Variants in EHMT1 observed in about 807,000 individuals in gnomAD.
EHMT1 encodes histone-lysine N-methyltransferase EHMT1.
A neutral mutation model predicts 147.2 loss-of-function variants in EHMT1; 15 were observed. The ratio of observed to expected loss-of-function variants is 0.10; its 90% CI spans 0.07 to 0.16. The LOEUF is 0.16. Ranked by LOEUF, EHMT1 falls within the 10% of genes least tolerant of loss-of-function variation. EHMT1 has a pLI of 1.00. For missense variants in EHMT1, 1,587 were observed against 1,772.4 expected (o/e 0.90, Z 1.88); for synonymous variants, 795 against 709.6 (o/e 1.12, Z -1.91).
chr9:137,678,523 G>C (rs1350206761), intron 1 of EHMT1, among the ~76,000 whole-genome samples: 1 of 152,178 alleles, frequency 6.6e-6, no homozygotes, highest in African/African-American at 2.4e-5. Context: ...TGTTCTGTCT[G>C]GTGTTCCTGT....
intron 14 of EHMT1, among the ~76,000 whole-genome samples, chr9:137,780,121 GT>G: frequency 6.9e-6 from 1 of 145,504 alleles, no homozygotes; most frequent in South Asian, 2.2e-4. Context: ...GGGATGTGTG[GT>G]GATGACGCTG....
intron 1 of EHMT1, among the ~76,000 whole-genome samples, chr9:137,619,779 C>G (rs566071701): frequency 6.6e-6 from 1 of 152,120 alleles, no homozygotes; most frequent in Non-Finnish European, 1.5e-5. Flanking sequence ...TAGTTTGTTT[C>G]CTTGCTTAGG....
chr9:137,694,433 C>T (rs1365043793), intron 1 of EHMT1, among the ~76,000 whole-genome samples: 1 of 152,056 alleles, frequency 6.6e-6, no homozygotes, highest in Non-Finnish European at 1.5e-5. Flanking sequence ...CATGCGGTGG[C>T]GCAGGACGCT....
At chr9:137,758,456 A>AT (rs1244019615) in intron 9 of EHMT1, among the ~76,000 whole-genome samples, 1 of 152,184 alleles carries the variant, frequency 6.6e-6, no homozygotes, top group Non-Finnish European at 1.5e-5. Context: ...TATTTAGTGT[A>AT]TTTTTGTACC....
chr9:137,736,934 G>A (rs1245650317), intron 4 of EHMT1, among the ~76,000 whole-genome samples: 1 of 151,804 alleles, frequency 6.6e-6, no homozygotes, highest in African/African-American at 2.4e-5. Flanking sequence ...TGGGTGTGGT[G>A]GCTCAAGCCT....
At chr9:137,671,520 CTTTTTTTTTTTTT>C (rs71493689) in intron 1 of EHMT1, among the ~76,000 whole-genome samples, 1 of 105,348 alleles carries the variant, frequency 9.5e-6, no homozygotes, top group Non-Finnish European at 2.0e-5. Context: ...CCTTTTCTTT[CTTTTTTTTTTTTT>C]TTTTTTTTCG....
intron 2 of EHMT1, among the ~76,000 whole-genome samples, chr9:137,714,154 T>C (rs1944991084): frequency 6.6e-6 from 1 of 152,198 alleles, no homozygotes; most frequent in African/African-American, 2.4e-5. Context: ...ATGGCCCTAC[T>C]TCGAATCTCT....
chr9:137,653,112 A>G (rs961379478), intron 1 of EHMT1, among the ~76,000 whole-genome samples: 2 of 152,080 alleles, frequency 1.3e-5, no homozygotes, highest in Admixed American at 6.6e-5. Flanking sequence ...TTCATTCACT[A>G]CTCACTCACC....
intron 10 of EHMT1, among the ~76,000 whole-genome samples, chr9:137,771,094 A>C (rs143235985): frequency 6.6e-6 from 1 of 151,688 alleles, no homozygotes; most frequent in East Asian, 1.9e-4. Flanking sequence ...CATTGCTCAG[A>C]AGATAACTAT....
chr9:137,622,019 G>A (rs1386157314), intron 1 of EHMT1, among the ~76,000 whole-genome samples: 2 of 150,722 alleles, frequency 1.3e-5, no homozygotes, highest in African/African-American at 4.9e-5. Context: ...CAACGTGCAG[G>A]TTTGTTACAT....
intron 1 of EHMT1, among the ~76,000 whole-genome samples, chr9:137,700,168 T>C (rs537578254): frequency 1.3e-5 from 2 of 152,220 alleles, no homozygotes; most frequent in Non-Finnish European, 2.9e-5. Flanking sequence ...TTTTATGGAC[T>C]TGACATGTGA....
chr9:137,687,007 G>A (rs1403832356), intron 1 of EHMT1, among the ~76,000 whole-genome samples: 1 of 152,154 alleles, frequency 6.6e-6, no homozygotes, highest in Non-Finnish European at 1.5e-5. Context: ...GGAATTACAG[G>A]CATGAGCCAC....
rs1950951374 is a variant in EHMT1, at chr9:137,776,286, C to T, written c.1792-332C>T. On this transcript the variant is annotated intron_variant, in intron 11 of 26. Coordinates refer to ENST00000460843, the MANE Select transcript of EHMT1 (RefSeq NM_024757.5). The surrounding 1 kb of genome is among the most constrained non-coding windows in gnomAD (Gnocchi z 4.4). ...CTGAGGTGCTGTCGTCTGTCCCTGT[C>T]CCTATCCGCCCTTCAGAGTAGGGGC... Among the ~76,000 whole-genome samples, 1 of 152,188 alleles carries T rather than the reference C, an allele frequency of 6.6e-6. No individual in the cohort carries two copies. The highest frequency in any genetic ancestry group is 2.4e-5 in the African/African-American group (1 of 41,440).
rs200982880 is a variant in EHMT1 at position 137,716,945 on chromosome 9, G to T, written c.405G>T (p.Gln135His). Residue 135 changes from glutamine to histidine, a missense_variant, in exon 3 of 27, where the codon CAG (glutamine) becomes CAT (histidine). Gln to His is a conservative substitution (Grantham distance 24, BLOSUM62 0). Around this residue, in one of 7 missense-constraint regions of EHMT1, gnomAD observed 810 missense variants for 673.0 expected, o/e 1.20. Transcript: ENST00000460843. ...TAAATAAGCCGGCCCTACAGGCACAGCCCTTGAGGACTACCAGCACTCTGG... is the reference window on the plus strand; with the variant it reads ...TAAATAAGCCGGCCCTACAGGCACATCCCTTGAGGACTACCAGCACTCTGG... ...YILNKPALQA[Q>H]PLRTTSTLAS... 159 of 1,612,802 alleles carry T rather than the reference G, an allele frequency of 9.9e-5. No individual in the cohort carries two copies. Among genetic ancestry groups the T allele is most frequent in the Non-Finnish European group, 1.3e-4 (159 of 1,179,836 alleles).
intron 1 of EHMT1, among the ~76,000 whole-genome samples, chr9:137,707,651 C>T (rs1383130323): frequency 1.3e-5 from 2 of 152,182 alleles, no homozygotes; most frequent in Non-Finnish European, 2.9e-5. Context: ...AGACATTATT[C>T]GGTAGTGTGT....
At chr9:137,665,632 AT>A (rs2134145082) in intron 1 of EHMT1, among the ~76,000 whole-genome samples, 1 of 151,860 alleles carries the variant, frequency 6.6e-6, no homozygotes, top group Admixed American at 6.6e-5. Flanking sequence ...TTTTGTTAGT[AT>A]TTTTTCAACA....
intron 10 of EHMT1, among the ~76,000 whole-genome samples, chr9:137,768,761 G>A (rs1160825644): frequency 6.0e-5 from 9 of 151,118 alleles, no homozygotes; most frequent in South Asian, 2.1e-4. Context: ...GTTTTTAGCC[G>A]GGATGGTCTC....
At chr9:137,784,421 T>C (rs772707639) in intron 15 of EHMT1, 4 of 1,209,816 alleles carry the variant, frequency 3.3e-6, no homozygotes, top group Non-Finnish European at 4.1e-6. Flanking sequence ...CCAATACTTT[T>C]TTGGTCGTTC....
intron 1 of EHMT1, among the ~76,000 whole-genome samples, chr9:137,709,171 A>G (rs930293638): frequency 2.6e-5 from 4 of 152,242 alleles, no homozygotes; most frequent in African/African-American, 4.8e-5. Context: ...TAGTATTACC[A>G]TGAAAATAGT....
Sources: gnomAD v4.1 joint callset for allele counts (sites outside exome capture counted in the v4.1 genomes callset) on GRCh38, gnomAD v4.1.1 for gene constraint, gnomAD v4.1.1 regional missense constraint, Gnocchi (gnomAD v3.1) non-coding constraint, MANE v1.5 for transcripts, NCBI Gene and HGNC (gene_info 2026-07-23, HGNC 2026-07-21) for gene names.